Variants in KCNN2 observed in about 807,000 individuals in gnomAD.
KCNN2 encodes potassium calcium-activated channel subfamily N member 2.
Under a neutral mutation model 55.5 loss-of-function variants are expected in KCNN2, and 24 were observed. The observed-to-expected ratio is 0.43, with a 90% confidence interval of 0.31 to 0.61. The LOEUF is 0.61. KCNN2 is among the 20% of genes least tolerant of loss of function. KCNN2 has a pLI of 0.08. For missense variants in KCNN2, 754 were observed against 853.6 expected, an observed-to-expected ratio of 0.88 and a Z score of 1.45; for synonymous variants, 431 against 336.1, an observed-to-expected ratio of 1.28 and a Z score of -3.09.
At chr5:114,302,878 C>T (rs1391255526) in intron 2 of KCNN2, among the ~76,000 whole-genome samples, 2 of 152,144 alleles carry the variant, frequency 1.3e-5, no homozygotes, top group Non-Finnish European at 2.9e-5. Context: ...ACTGGTTGTA[C>T]TTAGGAGAGA....
chr5:114,197,736 C>G (rs937415044), intron 1 of KCNN2, among the ~76,000 whole-genome samples: 4 of 152,010 alleles, frequency 2.6e-5, no homozygotes, highest in South Asian at 4.1e-4. Flanking sequence ...TAGGATGAAA[C>G]CATAGTTTCA....
At chr5:114,224,697 G>A (rs1225586296) in intron 2 of KCNN2, among the ~76,000 whole-genome samples, 1 of 152,152 alleles carries the variant, frequency 6.6e-6, no homozygotes, top group East Asian at 1.9e-4. Context: ...CAGTAGTAGT[G>A]TAATTATTTT....
At chr5:114,133,468 G>A (rs899561375) in intron 1 of KCNN2, among the ~76,000 whole-genome samples, 2 of 152,168 alleles carry the variant, frequency 1.3e-5, no homozygotes, top group Admixed American at 1.3e-4. Context: ...GGAACAAAAA[G>A]TCAGGGAGCT....
chr5:114,307,553 C>A (rs893906876), intron 2 of KCNN2, among the ~76,000 whole-genome samples: 5 of 152,118 alleles, frequency 3.3e-5, no homozygotes, highest in African/African-American at 1.2e-4. Flanking sequence ...ATGGTCACAT[C>A]TCTTATAGTA....
chr5:114,130,461 T>C (rs1314966326), intron 1 of KCNN2, among the ~76,000 whole-genome samples: 1 of 152,168 alleles, frequency 6.6e-6, no homozygotes, highest in Non-Finnish European at 1.5e-5. Flanking sequence ...TTCAATAGGA[T>C]CCAGATTTCT....
chr5:114,466,820 A>G (rs550752500), intron 4 of KCNN2, among the ~76,000 whole-genome samples: 19 of 152,180 alleles, frequency 1.2e-4, no homozygotes, highest in South Asian at 8.3e-4. Context: ...AACATCTAGC[A>G]TGACTCCCTC....
At chr5:114,453,338 A>G (rs1383543456) in intron 3 of KCNN2, among the ~76,000 whole-genome samples, 3 of 152,156 alleles carry the variant, frequency 2.0e-5, no homozygotes, top group Admixed American at 1.3e-4. Flanking sequence ...TTTCCTCCCA[A>G]CACACATACA....
intron 1 of KCNN2, among the ~76,000 whole-genome samples, chr5:114,191,011 G>C (rs1406968016): frequency 6.6e-6 from 1 of 152,130 alleles, no homozygotes. Context: ...CAGTCCTTGT[G>C]AGATTACAGA....
rs114496209 is a variant in KCNN2 at position 114,072,862 on chromosome 5, G to A, written c.-271+16362G>A. On this transcript the variant is annotated intron_variant, in intron 1 of 10. Transcript: ENST00000512097. ...AATATTAACAAGTGAATATTTTAAA[G>A]TTTTTAAAAGTAACACTTTTCTTTT... Among the ~76,000 whole-genome samples the A allele has an allele frequency of 7.4e-3, 1,130 of 152,258 alleles. 20 individuals carry two copies. Among genetic ancestry groups the A allele is most frequent in the African/African-American group, 0.026 (1,091 of 41,542 alleles).
At chr5:114,455,498 G>T (rs543271465) in intron 3 of KCNN2, among the ~76,000 whole-genome samples, 1 of 152,114 alleles carries the variant, frequency 6.6e-6, no homozygotes, top group Non-Finnish European at 1.5e-5. Context: ...TCCCTGAAAC[G>T]CAGTGATACT....
chr5:114,138,123 T>A (rs1446045048), intron 1 of KCNN2, among the ~76,000 whole-genome samples: 1 of 152,138 alleles, frequency 6.6e-6, no homozygotes, highest in African/African-American at 2.4e-5. Flanking sequence ...CTGCTGTTTA[T>A]TGTAAAAAAC....
intron 5 of KCNN2, among the ~76,000 whole-genome samples, chr5:114,474,717 C>T (rs1260844016): frequency 1.3e-5 from 2 of 152,112 alleles, no homozygotes; most frequent in African/African-American, 2.4e-5. Context: ...TTAAGAGTCA[C>T]AAGTTTTATA....
At chr5:114,387,221 T>C (rs1002573938) in intron 2 of KCNN2, among the ~76,000 whole-genome samples, 2 of 152,242 alleles carry the variant, frequency 1.3e-5, no homozygotes, top group African/African-American at 4.8e-5. Context: ...ACCATGTGGG[T>C]ATTCAGAGCT....
intron 3 of KCNN2, among the ~76,000 whole-genome samples, chr5:114,458,567 T>C (rs77617005): frequency 0.01 from 1,553 of 152,354 alleles, 21 homozygotes; most frequent in African/African-American, 0.035. Flanking sequence ...TGCTATGTTT[T>C]TGTAAGCATC....
intron 3 of KCNN2, among the ~76,000 whole-genome samples, chr5:114,446,802 T>C (rs529199450): frequency 1.8e-4 from 27 of 152,234 alleles, no homozygotes; most frequent in Non-Finnish European, 3.1e-4. Flanking sequence ...CTTGGAAGGC[T>C]GAAGCAGGAT....
chr5:114,097,253 G>C (rs914521820), intron 1 of KCNN2, among the ~76,000 whole-genome samples: 2 of 152,162 alleles, frequency 1.3e-5, no homozygotes, highest in Admixed American at 6.5e-5. Context: ...AGTAATCATG[G>C]TTGGGGAGGT....
chr5:114,149,028 G>C (rs988480629), intron 1 of KCNN2, among the ~76,000 whole-genome samples: 1 of 152,072 alleles, frequency 6.6e-6, no homozygotes, highest in Non-Finnish European at 1.5e-5. Context: ...CTCTATCCCA[G>C]TCTAACAGGT....
rs571204624 is a variant in KCNN2 at position 114,069,066 on chromosome 5, C to T, written c.-271+12566C>T. Among the ~76,000 whole-genome samples the T allele has an allele frequency of 1.0e-3, 158 of 152,300 alleles. 1 individual carries two copies. The highest frequency in any genetic ancestry group is 3.4e-3 in the African/African-American group (142 of 41,564). ...CTGACCCCAAGTGATCTGCCAGCCTCGGCCTCCCAATGTGCTGGGATTACA... is the reference window on the plus strand; with the variant it reads ...CTGACCCCAAGTGATCTGCCAGCCTTGGCCTCCCAATGTGCTGGGATTACA... On this transcript the variant is annotated intron_variant, in intron 1 of 10. Coordinates refer to the KCNN2 transcript ENST00000512097.
intron 1 of KCNN2, among the ~76,000 whole-genome samples, chr5:114,057,563 C>T (rs1171868627): frequency 2.0e-5 from 3 of 152,144 alleles, no homozygotes; most frequent in African/African-American, 7.2e-5. Context: ...GACAAGGCAA[C>T]CAAGATCCTT....
Sources: allele counts gnomAD v4.1 joint callset (sites outside exome capture counted in the v4.1 genomes callset), GRCh38; gene constraint gnomAD v4.1.1; transcripts MANE v1.5; gene names NCBI Gene and HGNC (gene_info 2026-07-23, HGNC 2026-07-21).